Variants in CD2AP observed in about 807,000 individuals in gnomAD.
CD2AP encodes the protein CD2-associated protein.
CD2AP carries 46 observed loss-of-function variants against 85.1 expected under a neutral mutation model. The ratio of observed to expected loss-of-function variants is 0.54; its 90% CI spans 0.43 to 0.69. The LOEUF (loss-of-function observed/expected upper bound fraction) is 0.69, where lower values mean the gene tolerates loss of function less well. Ranked by LOEUF, CD2AP falls within the 30% of genes least tolerant of loss-of-function variation. The pLI is 0.00. For missense variants in CD2AP, 769 were observed against 729.5 expected (o/e 1.05, Z -0.62); for synonymous variants, 255 against 252.9 (o/e 1.01, Z -0.08).
intron 1 of CD2AP, among the ~76,000 whole-genome samples, chr6:47,499,905 T>G (rs1397238505): frequency 3.9e-5 from 6 of 152,160 alleles, no homozygotes; most frequent in African/African-American, 1.4e-4. Flanking sequence ...ATTTTTGTAT[T>G]TTTAGTAGAG....
intron 17 of CD2AP, among the ~76,000 whole-genome samples, chr6:47,619,660 G>A (rs935563637): frequency 6.6e-6 from 1 of 152,148 alleles, no homozygotes; most frequent in African/African-American, 2.4e-5. Flanking sequence ...TTCTGTAGTG[G>A]GCTGTACTAG....
At chr6:47,601,243 A>G (rs1769121917) in intron 13 of CD2AP, among the ~76,000 whole-genome samples, 2 of 151,968 alleles carry the variant, frequency 1.3e-5, no homozygotes, top group South Asian at 4.2e-4. Context: ...TTTACTCCCT[A>G]TATAGTAAAC....
chr6:47,540,236 G>T (rs949155017), intron 3 of CD2AP, among the ~76,000 whole-genome samples: 1 of 149,328 alleles, frequency 6.7e-6, no homozygotes, highest in Non-Finnish European at 1.5e-5. Context: ...TTTTAAAATG[G>T]ACTTAATTTC....
chr6:47,528,547 C>T (rs1766787228), intron 2 of CD2AP, among the ~76,000 whole-genome samples: 1 of 152,170 alleles, frequency 6.6e-6, no homozygotes, highest in South Asian at 2.1e-4. Context: ...ATACAACTGT[C>T]TCATGCTTTG....
intron 1 of CD2AP, among the ~76,000 whole-genome samples, chr6:47,483,715 C>CT (rs1399991985): frequency 2.0e-5 from 3 of 151,326 alleles, no homozygotes; most frequent in African/African-American, 4.9e-5. Flanking sequence ...GATCTTCTCT[C>CT]TAAGTGCTGC....
intron 5 of CD2AP, among the ~76,000 whole-genome samples, chr6:47,557,572 T>G (rs1314770345): frequency 2.0e-5 from 3 of 152,226 alleles, no homozygotes; most frequent in East Asian, 3.8e-4. Context: ...ACAACATTTA[T>G]TAAATAGGGA....
At chr6:47,537,588 TA>T (rs1203850998) in intron 3 of CD2AP, among the ~76,000 whole-genome samples, 1 of 152,206 alleles carries the variant, frequency 6.6e-6, no homozygotes, top group Non-Finnish European at 1.5e-5. Flanking sequence ...TATACTTTTT[TA>T]ATGGAATCAG....
At chr6:47,525,137 A>G (rs551088772) in intron 2 of CD2AP, among the ~76,000 whole-genome samples, 69 of 152,244 alleles carry the variant, frequency 4.5e-4, no homozygotes, top group African/African-American at 1.4e-3. Context: ...ATCTAAATCA[A>G]TCATTTCTAG....
intron 12 of CD2AP, 32 bp from the exon 13 acceptor site, chr6:47,599,269 A>C: frequency 6.3e-7 from 1 of 1,595,224 alleles, no homozygotes; most frequent in Non-Finnish European, 8.6e-7. Flanking sequence ...GTTTCATACT[A>C]GTGATTTTTG....
At chr6:47,526,140 AAAG>A in intron 2 of CD2AP, among the ~76,000 whole-genome samples, 2 of 152,206 alleles carry the variant, frequency 1.3e-5, no homozygotes, top group Middle Eastern at 3.2e-3. Flanking sequence ...GGTACTAGGT[AAAG>A]TTTGCTATAT....
chr6:47,501,945 AT>A (rs1766007996), intron 1 of CD2AP, among the ~76,000 whole-genome samples: 1 of 152,154 alleles, frequency 6.6e-6, no homozygotes, highest in African/African-American at 2.4e-5. Flanking sequence ...AACTATATAT[AT>A]TTATTAGCTA....
At chr6:47,498,471 G>C (rs1050564454) in intron 1 of CD2AP, among the ~76,000 whole-genome samples, 1 of 152,046 alleles carries the variant, frequency 6.6e-6, no homozygotes, top group Non-Finnish European at 1.5e-5. Flanking sequence ...TTTGAAGATT[G>C]TTTTAGGATT....
At chr6:47,537,409 G>C (rs1168054940) in intron 3 of CD2AP, among the ~76,000 whole-genome samples, 1 of 152,096 alleles carries the variant, frequency 6.6e-6, no homozygotes, top group Non-Finnish European at 1.5e-5. Context: ...CTTGGGGTTA[G>C]AACACCCTAC....
At chr6:47,619,811 C>T (rs952799717) in intron 17 of CD2AP, among the ~76,000 whole-genome samples, 7 of 152,056 alleles carry the variant, frequency 4.6e-5, no homozygotes, top group East Asian at 1.9e-4. Context: ...TACATTTCCC[C>T]GATCATTAGT....
chr6:47,618,898 C>T (rs1220879272), intron 17 of CD2AP, among the ~76,000 whole-genome samples: 2 of 152,098 alleles, frequency 1.3e-5, no homozygotes, highest in Non-Finnish European at 2.9e-5. Flanking sequence ...TGTAAAAGCA[C>T]ACCTAAGGCA....
chr6:47,486,614 A>G (rs1232194016), intron 1 of CD2AP, among the ~76,000 whole-genome samples: 1 of 152,166 alleles, frequency 6.6e-6, no homozygotes, highest in Non-Finnish European at 1.5e-5. Flanking sequence ...TCTGGCAAAG[A>G]GTCTTTAGAA....
In CD2AP at chr6:47,577,073, A is replaced by G; in HGVS notation, c.873A>G (p.Lys291=). The G allele has an allele frequency of 6.5e-7, 1 of 1,532,132 alleles. No homozygotes were observed. Among genetic ancestry groups the G allele is most frequent in the Non-Finnish European group, 9.0e-7 (1 of 1,105,608 alleles). The allele number at this position is 1,532,132 out of a possible 1,614,324, so 94.9% of individuals were successfully genotyped here. Reference sequence around the variant, plus strand: ...CTAATGAAGATGAACTTACTTTTAAAGAGGGGGAGATAATCCATTTGATAA... The same window carrying G: ...CTAATGAAGATGAACTTACTTTTAAGGAGGGGGAGATAATCCATTTGATAA... ...EGTNEDELTF[K]EGEIIHLISK... Residue 291 remains lysine (K), a synonymous_variant, in exon 8 of 18, where the codon AAA becomes AAG. Coordinates refer to ENST00000359314, the MANE Select transcript of CD2AP (RefSeq NM_012120.3).
chr6:47,497,161 G>C (rs772700606), intron 1 of CD2AP, among the ~76,000 whole-genome samples: 13 of 148,982 alleles, frequency 8.7e-5, no homozygotes, highest in Non-Finnish European at 1.3e-4. Flanking sequence ...TTTTTTTACT[G>C]TGAAGCCAAG....
intron 2 of CD2AP, among the ~76,000 whole-genome samples, chr6:47,510,224 A>G (rs536768090): frequency 1.3e-5 from 2 of 152,342 alleles, no homozygotes; most frequent in African/African-American, 4.8e-5. Context: ...GGTTTTGTAT[A>G]TATATGTGTC....
Sources: gnomAD v4.1 joint callset for allele counts (sites outside exome capture counted in the v4.1 genomes callset) on GRCh38, gnomAD v4.1.1 for gene constraint, MANE v1.5 for transcripts, NCBI Gene and HGNC (gene_info 2026-07-23, HGNC 2026-07-21) for gene names.